The following RTN4IP1 variants were observed in gnomAD, a reference collection of about 807,000 sequenced individuals.
RTN4IP1 encodes NAD(P)H oxidoreductase RTN4IP1, mitochondrial.
Under a neutral mutation model 46.6 loss-of-function variants are expected in RTN4IP1, and 32 were observed. The observed-to-expected ratio is 0.69, with a 90% CI of 0.52 to 0.92. The LOEUF (loss-of-function observed/expected upper bound fraction) is 0.92, where lower values mean the gene tolerates loss of function less well. Ranked by LOEUF, RTN4IP1 falls within the 40% of genes least tolerant of loss-of-function variation. RTN4IP1 has a pLI of 0.00. For missense variants in RTN4IP1, 424 were observed against 485.8 expected (o/e 0.87, Z 1.20); for synonymous variants, 167 against 161.8 (o/e 1.03, Z -0.24).
At chr6:106,592,691 A>G (rs1775692869) in intron 5 of RTN4IP1, among the ~76,000 whole-genome samples, 2 of 152,188 alleles carry the variant, frequency 1.3e-5, no homozygotes, top group Non-Finnish European at 2.9e-5. Flanking sequence ...TGGGAGGCCG[A>G]GACAGGTGGA....
upstream of RTN4IP1, among the ~76,000 whole-genome samples, chr6:106,629,940 T>C (rs1776782000): frequency 1.3e-5 from 2 of 152,058 alleles, no homozygotes; most frequent in Admixed American, 6.6e-5. Flanking sequence ...GTGAAGCGGC[T>C]TCTCACCATT....
rs115410744 is a variant in RTN4IP1, at chr6:106,622,017, T to C, written c.427-524A>G. Reference sequence around the variant, plus strand: ...CATCTCATCCATAAGGCAGAAATTGTCATTTAAAGGCCCTTTCAAGGAAAA... The same window carrying C: ...CATCTCATCCATAAGGCAGAAATTGCCATTTAAAGGCCCTTTCAAGGAAAA... On this transcript the variant is annotated intron_variant, in intron 2 of 8. Coordinates refer to ENST00000369063, the MANE Select transcript of RTN4IP1 (RefSeq NM_032730.5). 4.8e-3 allele frequency among the ~76,000 whole-genome samples: 729 copies of C among 152,226 alleles called. 9 individuals are homozygous for C. Among genetic ancestry groups the C allele is most frequent in the African/African-American group, 0.017 (702 of 41,510 alleles).
At chr6:106,597,602 G>A (rs1775828903) in intron 5 of RTN4IP1, among the ~76,000 whole-genome samples, 1 of 151,466 alleles carries the variant, frequency 6.6e-6, no homozygotes, top group Non-Finnish European at 1.5e-5. Flanking sequence ...CCTCAGCCTA[G>A]CAAAGTGCTG....
intron 4 of RTN4IP1, among the ~76,000 whole-genome samples, chr6:106,610,199 CT>C (rs1352840509): frequency 6.6e-6 from 1 of 151,962 alleles, no homozygotes; most frequent in Non-Finnish European, 1.5e-5. Flanking sequence ...GTAGCTGGGA[CT>C]ACAGGCGCCC....
chr6:106,629,782 C>T (rs551249260), upstream of RTN4IP1: 7 of 1,534,976 alleles, frequency 4.6e-6, no homozygotes, highest in Non-Finnish European at 6.2e-6. Flanking sequence ...AGTCCCTGGG[C>T]CTTACCACGC....
At chr6:106,584,650 A>G (rs1775443490) in intron 7 of RTN4IP1, among the ~76,000 whole-genome samples, 1 of 152,224 alleles carries the variant, frequency 6.6e-6, no homozygotes, top group Admixed American at 6.5e-5. Flanking sequence ...GGATTGTTGG[A>G]AGGATTAAAT....
intron 4 of RTN4IP1, among the ~76,000 whole-genome samples, chr6:106,603,289 T>C (rs949368141): frequency 1.3e-5 from 2 of 152,240 alleles, no homozygotes; most frequent in African/African-American, 4.8e-5. Context: ...TTTAATTTGT[T>C]ATGCTTAGCT....
At chr6:106,592,440 A>C in intron 5 of RTN4IP1, 140 bp from the exon 6 acceptor site, 1 of 843,126 alleles carries the variant, frequency 1.2e-6, no homozygotes. Context: ...CATCTTAACC[A>C]GAACTATAGG....
chr6:106,583,345 G>A lies in RTN4IP1; in HGVS notation c.1066C>T (p.Leu356=), dbSNP rs781356351. 5 of 1,613,360 alleles carry A rather than the reference G, an allele frequency of 3.1e-6. No individual in the cohort carries two copies. Among genetic ancestry groups the A allele is most frequent in the Non-Finnish European group, 1.7e-6 (2 of 1,179,588 alleles). The change falls in exon 8 of 9, where the codon CTG becomes TTG. Residue 356 remains leucine, a synonymous_variant. Coordinates refer to ENST00000369063, the MANE Select transcript of RTN4IP1 (RefSeq NM_032730.5). ...SGPCLDDIAE[L]VDAGKIRPVI... The stretch of plus-strand genomic sequence containing the variant: ...GCACGTACCTTTCCCGCATCCACCA[G>A]TTCTGCAATGTCATCTAAACATGGG...
At chr6:106,608,374 T>C (rs1025701831) in intron 4 of RTN4IP1, among the ~76,000 whole-genome samples, 1 of 152,140 alleles carries the variant, frequency 6.6e-6, no homozygotes, top group African/African-American at 2.4e-5. Context: ...GGTTAACAAA[T>C]ACAAAATTAC....
intron 8 of RTN4IP1, 194 bp from the exon 9 acceptor site, chr6:106,572,297 T>C: frequency 1.7e-6 from 1 of 586,306 alleles, no homozygotes; most frequent in Non-Finnish European, 3.0e-6. Flanking sequence ...GCTTCTCTCT[T>C]TATGGCCCCT....
chr6:106,615,135 T>C (rs918807665), intron 4 of RTN4IP1, among the ~76,000 whole-genome samples: 2 of 151,878 alleles, frequency 1.3e-5, no homozygotes, highest in Admixed American at 6.6e-5. Flanking sequence ...CCCCTAACAA[T>C]ACAACCCAGT....
At chr6:106,618,853 G>A (rs1229901550) in intron 4 of RTN4IP1, among the ~76,000 whole-genome samples, 1 of 149,822 alleles carries the variant, frequency 6.7e-6, no homozygotes, top group Non-Finnish European at 1.5e-5. Context: ...TGTATGGGAT[G>A]ATTCTTAACC....
At chr6:106,625,078 C>T (rs752854362) in intron 1 of RTN4IP1, among the ~76,000 whole-genome samples, 12 of 151,850 alleles carry the variant, frequency 7.9e-5, no homozygotes, top group Non-Finnish European at 1.5e-4. Flanking sequence ...TAATTTATTA[C>T]ATGGCTTCCA....
intron 4 of RTN4IP1, among the ~76,000 whole-genome samples, chr6:106,605,972 A>G (rs150459285): frequency 0.012 from 1,871 of 152,278 alleles, 42 homozygotes; most frequent in African/African-American, 0.042. Flanking sequence ...ATTAAGCAAG[A>G]GAAAGAAATA....
chr6:106,585,964 A>AAG (rs1431480780), intron 7 of RTN4IP1, among the ~76,000 whole-genome samples: 1 of 152,250 alleles, frequency 6.6e-6, no homozygotes, highest in East Asian at 1.9e-4. Context: ...AGGGACAGCT[A>AAG]AGAGCCCTTT....
intron 8 of RTN4IP1, among the ~76,000 whole-genome samples, chr6:106,574,148 G>A (rs1356946700): frequency 2.0e-5 from 3 of 152,192 alleles, no homozygotes; most frequent in Non-Finnish European, 4.4e-5. Flanking sequence ...AGAATGGAAT[G>A]CATTGATGTT....
chr6:106,614,157 G>C (rs1468489612), intron 4 of RTN4IP1, among the ~76,000 whole-genome samples: 1 of 152,092 alleles, frequency 6.6e-6, no homozygotes, highest in Non-Finnish European at 1.5e-5. Flanking sequence ...CAGATATTTT[G>C]GGTTCACAAA....
At chr6:106,615,333 A>C (rs548371734) in intron 4 of RTN4IP1, among the ~76,000 whole-genome samples, 12 of 152,270 alleles carry the variant, frequency 7.9e-5, no homozygotes, top group African/African-American at 2.9e-4. Context: ...CTAATTCTAT[A>C]ATTCTATATC....
Sources: allele counts gnomAD v4.1 joint callset (sites outside exome capture counted in the v4.1 genomes callset), GRCh38; gene constraint gnomAD v4.1.1; transcripts MANE v1.5; gene names NCBI Gene and HGNC (gene_info 2026-07-23, HGNC 2026-07-21).